Variants in CNTN5 observed in about 807,000 individuals in gnomAD.
The protein encoded by CNTN5 is contactin-5.
A neutral mutation model predicts 129.1 loss-of-function variants in CNTN5; 77 were observed. The ratio of observed to expected loss-of-function variants is 0.60; its 90% CI spans 0.50 to 0.72. CNTN5 has a LOEUF of 0.72. Ranked by LOEUF, CNTN5 falls within the 30% of genes least tolerant of loss-of-function variation. The pLI is 0.00. For synonymous variants in CNTN5, 509 were observed against 465.6 expected (o/e 1.09, Z -1.20); for missense variants, 1,478 against 1,328.8 (o/e 1.11, Z -1.75).
chr11:100,050,642 AAAG>A (rs926598179), intron 9 of CNTN5, among the ~76,000 whole-genome samples: 2 of 152,048 alleles, frequency 1.3e-5, no homozygotes, highest in Non-Finnish European at 2.9e-5. Flanking sequence ...AAAATAAAAA[AAAG>A]AAATGAGAAA....
rs1388698601 is a variant in CNTN5, at chr11:99,263,670, G to A, written c.-209-61676G>A. ...CTTGCCCTGTCACCCAGATGGGAGG[G>A]CAGTGGTGTGATCATGGCTCACTGC... On this transcript the variant is annotated intron_variant, in intron 1 of 24. Transcript: ENST00000524871. 5.9e-5 allele frequency among the ~76,000 whole-genome samples: 9 copies of A among 152,168 alleles called. No individual in the cohort carries two copies. The South Asian group carries it at 1.5e-3, about 25-fold the overall frequency.
chr11:99,617,028 T>C (rs149487338), intron 3 of CNTN5, among the ~76,000 whole-genome samples: 10,548 of 152,214 alleles, frequency 0.069, 399 homozygotes, highest in East Asian at 0.11. Flanking sequence ...GGAGAATTGC[T>C]TGAACCCAGG....
At chr11:99,429,490 C>T (rs6590118) in intron 2 of CNTN5, among the ~76,000 whole-genome samples, 1,955 of 152,004 alleles carry the variant, frequency 0.013, 32 homozygotes, top group African/African-American at 0.045. Context: ...AATCAGATAG[C>T]AAAATACACA....
chr11:100,067,796 A>G (rs1943753508), intron 10 of CNTN5, among the ~76,000 whole-genome samples: 1 of 151,874 alleles, frequency 6.6e-6, no homozygotes, highest in Non-Finnish European at 1.5e-5. Context: ...TTATGTTCGT[A>G]TCTTCAGAGT....
chr11:99,342,755 A>T (rs1419118367), intron 2 of CNTN5, among the ~76,000 whole-genome samples: 1 of 151,588 alleles, frequency 6.6e-6, no homozygotes, highest in Non-Finnish European at 1.5e-5. Flanking sequence ...GAAAGAAAGA[A>T]AGCAGATGGA....
chr11:99,373,017 T>C (rs1265490984), intron 2 of CNTN5, among the ~76,000 whole-genome samples: 1 of 152,028 alleles, frequency 6.6e-6, no homozygotes, highest in Non-Finnish European at 1.5e-5. Flanking sequence ...GAGCCCAGAC[T>C]GGCCAACTTG....
chr11:100,018,948 A>G (rs1331726527), intron 9 of CNTN5, among the ~76,000 whole-genome samples: 1 of 151,942 alleles, frequency 6.6e-6, no homozygotes, highest in Non-Finnish European at 1.5e-5. Context: ...TGATAACTGC[A>G]TATTTCTTTA....
chr11:99,983,120 A>G (rs1938455273), intron 8 of CNTN5, among the ~76,000 whole-genome samples: 1 of 129,094 alleles, frequency 7.7e-6, no homozygotes, highest in South Asian at 2.3e-4. Flanking sequence ...AAACAACATT[A>G]AAATGCAATG....
intron 1 of CNTN5, among the ~76,000 whole-genome samples, chr11:99,196,632 A>C (rs1295863837): frequency 6.6e-6 from 1 of 151,964 alleles, no homozygotes; most frequent in Non-Finnish European, 1.5e-5. Context: ...ATTTCCATAT[A>C]TGCAGTGTTT....
intron 23 of CNTN5, 57 bp from the exon 24 acceptor site, chr11:100,350,641 GCAGT>G: frequency 8.1e-7 from 1 of 1,242,050 alleles, no homozygotes; most frequent in Admixed American, 2.1e-5. Flanking sequence ...CACATAGTAG[GCAGT>G]CAATGTGCAT....
chr11:99,427,580 C>T (rs1442735545), intron 2 of CNTN5, among the ~76,000 whole-genome samples: 1 of 151,734 alleles, frequency 6.6e-6, no homozygotes, highest in East Asian at 1.9e-4. Flanking sequence ...TCTTGGCTAA[C>T]ACGGTAAAAC....
intron 3 of CNTN5, among the ~76,000 whole-genome samples, chr11:99,670,798 A>G (rs1953002946): frequency 6.6e-6 from 1 of 152,142 alleles, no homozygotes; most frequent in Non-Finnish European, 1.5e-5. Flanking sequence ...GCTGCCAACT[A>G]ACTGTGCTGC....
chr11:99,767,581 G>T (rs371175618), intron 3 of CNTN5, among the ~76,000 whole-genome samples: 2 of 150,338 alleles, frequency 1.3e-5, no homozygotes, highest in African/African-American at 4.9e-5. Flanking sequence ...TTTTGGAAAA[G>T]CTTCTTATTT....
chr11:99,711,557 G>A (rs776957112), intron 3 of CNTN5, among the ~76,000 whole-genome samples: 5 of 151,718 alleles, frequency 3.3e-5, no homozygotes, highest in African/African-American at 1.2e-4. Flanking sequence ...AGGTATACAC[G>A]TGTCATGGTG....
At chr11:100,336,518 T>C (rs1192880296) in intron 21 of CNTN5, among the ~76,000 whole-genome samples, 1 of 152,248 alleles carries the variant, frequency 6.6e-6, no homozygotes, top group Non-Finnish European at 1.5e-5. Flanking sequence ...AAAATAATTG[T>C]ATGAAGATAT....
chr11:99,277,160 T>G lies in CNTN5; in HGVS notation c.-209-48186T>G, dbSNP rs1863480576. Among the ~76,000 whole-genome samples the G allele has an allele frequency of 2.6e-5, 4 of 151,654 alleles. No homozygotes were observed. The Admixed American group carries it at 2.6e-4, about 10-fold the overall frequency. ...GTGCTAGGTGCTGAGGGAGTTGATT[T>G]GAATTAGAAGCAATACAGGTACCCA... On this transcript the variant is annotated intron_variant, in intron 1 of 24. Transcript: ENST00000524871.
intron 3 of CNTN5, among the ~76,000 whole-genome samples, chr11:99,760,675 C>T (rs1205679835): frequency 6.6e-6 from 1 of 152,042 alleles, no homozygotes; most frequent in Non-Finnish European, 1.5e-5. Context: ...GTATTAAATA[C>T]ACATGAATAC....
intron 20 of CNTN5, among the ~76,000 whole-genome samples, chr11:100,300,579 C>CG (rs993281595): frequency 8.6e-5 from 13 of 151,510 alleles, no homozygotes; most frequent in South Asian, 2.1e-4. Context: ...ATGAGCTTCA[C>CG]GGGGGATATA....
At chr11:99,879,031 G>A (rs967510064) in intron 6 of CNTN5, among the ~76,000 whole-genome samples, 5 of 151,822 alleles carry the variant, frequency 3.3e-5, no homozygotes, top group Admixed American at 3.3e-4. Context: ...TCTGCCTCCC[G>A]GGTCCAGGCG....
Sources: allele counts gnomAD v4.1 joint callset (sites outside exome capture counted in the v4.1 genomes callset), GRCh38; gene constraint gnomAD v4.1.1; transcripts MANE v1.5; gene names NCBI Gene and HGNC (gene_info 2026-07-23, HGNC 2026-07-21).